CHN2: variants seen among roughly 807,000 people sequenced by gnomAD.
The protein encoded by CHN2 is beta-chimaerin.
Under a neutral mutation model 56.3 loss-of-function variants are expected in CHN2, and 35 were observed. That is an observed-to-expected ratio of 0.62 (90% confidence interval 0.47 to 0.82). The LOEUF is 0.82. Among genes scored for constraint, CHN2 ranks in the 40% least tolerant of loss-of-function variants. The pLI is 0.00. For synonymous variants in CHN2, 210 were observed against 212.8 expected, an observed-to-expected ratio of 0.99 and a Z score of 0.12; for missense variants, 491 against 580.5, an observed-to-expected ratio of 0.85 and a Z score of 1.58.
In CHN2 at chr7:29,257,909, T is replaced by A. The variant is rs556226549; in HGVS notation, c.49+62919T>A. Among the ~76,000 whole-genome samples the A allele has an allele frequency of 9.2e-5, 14 of 152,164 alleles. No homozygotes were observed. The East Asian group carries it at 2.3e-3, about 25-fold the overall frequency. ...CCCCAGTGATCCTCCCACCTTAGCC[T>A]CCAGAGTAGCTGGGACTACAGGCAC... On this transcript the variant is annotated intron_variant, in intron 1 of 12. Transcript: ENST00000222792.
At chr7:29,385,286 T>A (rs1431529533) in intron 3 of CHN2, among the ~76,000 whole-genome samples, 4 of 152,184 alleles carry the variant, frequency 2.6e-5, no homozygotes, top group African/African-American at 9.7e-5. Context: ...TTAAAAAAAA[T>A]GTTTCTAATA....
chr7:29,390,672 CAG>C (rs1288893295), intron 3 of CHN2, among the ~76,000 whole-genome samples: 5 of 152,190 alleles, frequency 3.3e-5, no homozygotes, highest in African/African-American at 9.6e-5. Context: ...CAATTGGAAA[CAG>C]AAATTGAGTT....
intron 1 of CHN2, among the ~76,000 whole-genome samples, chr7:29,207,533 A>G (rs1784611571): frequency 6.6e-6 from 1 of 152,204 alleles, no homozygotes; most frequent in Non-Finnish European, 1.5e-5. Flanking sequence ...GGACAAAGCA[A>G]TTAGTGCATT....
chr7:29,429,186 T>C (rs1276828758), intron 6 of CHN2, among the ~76,000 whole-genome samples: 2 of 152,236 alleles, frequency 1.3e-5, no homozygotes, highest in African/African-American at 4.8e-5. Flanking sequence ...GCAATAACAT[T>C]TGGTTTCATA....
intron 12 of CHN2, among the ~76,000 whole-genome samples, chr7:29,510,121 T>A (rs1253641354): frequency 6.6e-6 from 1 of 152,138 alleles, no homozygotes; most frequent in Non-Finnish European, 1.5e-5. Flanking sequence ...CCCAGCCTGG[T>A]CTCTTATTTT....
intron 1 of CHN2, among the ~76,000 whole-genome samples, chr7:29,270,682 TAAA>T (rs1303427848): frequency 1.1e-4 from 13 of 119,052 alleles, no homozygotes; most frequent in South Asian, 2.9e-4. Flanking sequence ...AATAATAAAA[TAAA>T]AAATGATCTA....
chr7:29,280,107 T>G (rs911879854), intron 1 of CHN2, among the ~76,000 whole-genome samples: 4 of 151,998 alleles, frequency 2.6e-5, no homozygotes, highest in Admixed American at 6.6e-5. Context: ...AAGGAGGCCA[T>G]GCGCGGTGGC....
chr7:29,485,565 G>A (rs1458654206), intron 7 of CHN2, among the ~76,000 whole-genome samples: 1 of 152,180 alleles, frequency 6.6e-6, no homozygotes, highest in African/African-American at 2.4e-5. Context: ...GTGGAAAGTT[G>A]GCTGAAGCCC....
At chr7:29,401,494 C>T (rs1258991564) in intron 6 of CHN2, among the ~76,000 whole-genome samples, 1 of 152,120 alleles carries the variant, frequency 6.6e-6, no homozygotes, top group East Asian at 1.9e-4. Context: ...TCTTTAGTTC[C>T]ACCCAGCCGG....
rs74496853 is a variant in CHN2 at position 29,337,494 on chromosome 7, A to G, written c.50-17131A>G. Among the ~76,000 whole-genome samples, 567 of 152,228 alleles carry G rather than the reference A, an allele frequency of 3.7e-3. 15 individuals are homozygous for G. The highest frequency in any genetic ancestry group is 2.3e-3 in the East Asian group (12 of 5,174). On this transcript the variant is annotated intron_variant, in intron 1 of 12. Coordinates refer to ENST00000222792, the MANE Select transcript of CHN2 (RefSeq NM_004067.4). ...ACAGCAGAGTGCGGAGAGGGGGTCT[A>G]TTCTTCTCACTCTGTTATGTAATGT... is the stretch of plus-strand genomic sequence containing the variant.
intron 2 of CHN2, among the ~76,000 whole-genome samples, chr7:29,173,500 C>A (rs1796878779): frequency 6.6e-6 from 1 of 152,062 alleles, no homozygotes; most frequent in African/African-American, 2.4e-5. Flanking sequence ...AATATTATAA[C>A]TTTCTTTCCT....
chr7:29,484,638 TGTC>T (rs1250815667), intron 7 of CHN2, among the ~76,000 whole-genome samples: 2 of 152,194 alleles, frequency 1.3e-5, no homozygotes, highest in African/African-American at 4.8e-5. Flanking sequence ...TCCAGTATGA[TGTC>T]GTCTTAATTA....
At chr7:29,184,904 T>C (rs1035181937) in intron 2 of CHN2, among the ~76,000 whole-genome samples, 1 of 152,198 alleles carries the variant, frequency 6.6e-6, no homozygotes, top group African/African-American at 2.4e-5. Context: ...GGAGTTTATG[T>C]GGATAAGGAC....
intron 1 of CHN2, among the ~76,000 whole-genome samples, chr7:29,248,350 C>A (rs908030987): frequency 6.6e-6 from 1 of 152,218 alleles, no homozygotes. Context: ...CCCTTGCCAA[C>A]CTGCGACCCT....
chr7:29,230,959 G>A (rs1786649626), intron 1 of CHN2, among the ~76,000 whole-genome samples: 1 of 152,124 alleles, frequency 6.6e-6, no homozygotes, highest in African/African-American at 2.4e-5. Context: ...GTGCCAGCAA[G>A]CATTTGTATT....
At chr7:29,320,011 G>C (rs1416676685) in intron 1 of CHN2, among the ~76,000 whole-genome samples, 1 of 152,174 alleles carries the variant, frequency 6.6e-6, no homozygotes, top group Admixed American at 6.5e-5. Context: ...TAGGTTGCTG[G>C]TCATCAATAT....
chr7:29,370,394 C>T (rs1799512516), intron 3 of CHN2, among the ~76,000 whole-genome samples: 1 of 152,196 alleles, frequency 6.6e-6, no homozygotes, highest in East Asian at 1.9e-4. Flanking sequence ...GCTTTATTTA[C>T]ATATTTACAT....
At chr7:29,296,663 T>G in intron 1 of CHN2, among the ~76,000 whole-genome samples, 1 of 152,264 alleles carries the variant, frequency 6.6e-6, no homozygotes, top group Middle Eastern at 3.4e-3. Flanking sequence ...TAGGGCAGGG[T>G]TTCCTTTCAT....
At chr7:29,371,250 C>T (rs967357795) in intron 3 of CHN2, among the ~76,000 whole-genome samples, 2 of 152,042 alleles carry the variant, frequency 1.3e-5, no homozygotes, top group African/African-American at 2.4e-5. Flanking sequence ...TGCCCAGGTC[C>T]GGAATTAAGC....
Sources: gnomAD v4.1 joint callset for allele counts (sites outside exome capture counted in the v4.1 genomes callset) on GRCh38, gnomAD v4.1.1 for gene constraint, MANE v1.5 for transcripts, NCBI Gene and HGNC (gene_info 2026-07-23, HGNC 2026-07-21) for gene names.